Variants in SAMMSON observed in about 807,000 individuals in gnomAD.
SAMMSON encodes the protein long intergenic non-protein coding RNA 1212.
intron 4 of SAMMSON, among the ~76,000 whole-genome samples, chr3:70,243,201 T>C (rs936740280): frequency 6.6e-6 from 1 of 152,148 alleles, no homozygotes; most frequent in African/African-American, 2.4e-5. Flanking sequence ...TTAAGGTCTG[T>C]TGAGGATTGG....
intron 4 of SAMMSON, among the ~76,000 whole-genome samples, chr3:70,163,608 G>C (rs1370241936): frequency 6.6e-6 from 1 of 151,840 alleles, no homozygotes; most frequent in African/African-American, 2.4e-5. Flanking sequence ...GCAGTGAGGA[G>C]ACATTTTAAA....
chr3:70,202,266 G>A (rs1307239412), intron 4 of SAMMSON, among the ~76,000 whole-genome samples: 1 of 152,122 alleles, frequency 6.6e-6, no homozygotes, highest in Non-Finnish European at 1.5e-5. Flanking sequence ...AGTGGTCAGT[G>A]ACTAGTGGTC....
intron 3 of SAMMSON, among the ~76,000 whole-genome samples, chr3:70,029,264 T>C (rs1242160947): frequency 1.3e-5 from 2 of 152,184 alleles, no homozygotes; most frequent in African/African-American, 4.8e-5. Flanking sequence ...CTCTCCTCTT[T>C]GACTGGATGT....
chr3:70,299,559 T>C (rs906876493), intron 7 of SAMMSON, among the ~76,000 whole-genome samples: 6 of 152,128 alleles, frequency 3.9e-5, no homozygotes, highest in African/African-American at 1.2e-4. Context: ...TAATATCCAG[T>C]CCATGGCCAA....
At chr3:70,178,882 C>G (rs1335968596) in intron 4 of SAMMSON, among the ~76,000 whole-genome samples, 4 of 151,926 alleles carry the variant, frequency 2.6e-5, no homozygotes, top group Non-Finnish European at 5.9e-5. Context: ...GGGTGGCATT[C>G]CCCAGCTACT....
At chr3:70,405,100 T>G (rs1575642534) in intron 2 of SAMMSON, among the ~76,000 whole-genome samples, 1 of 152,198 alleles carries the variant, frequency 6.6e-6, no homozygotes, top group South Asian at 2.1e-4. Context: ...GGCTGGGAGA[T>G]ACTCAAGTTT....
chr3:70,280,067 A>G (rs1483999523), intron 6 of SAMMSON, among the ~76,000 whole-genome samples: 1 of 152,220 alleles, frequency 6.6e-6, no homozygotes, highest in Non-Finnish European at 1.5e-5. Context: ...GGTGTCAGCA[A>G]GGCTGCACTC....
intron 3 of SAMMSON, among the ~76,000 whole-genome samples, chr3:70,049,480 T>G (rs1230393315): frequency 6.6e-6 from 1 of 152,192 alleles, no homozygotes; most frequent in South Asian, 2.1e-4. Flanking sequence ...CTTTCAAACC[T>G]TGCCATTGCC....
At chr3:70,324,921 A>AG (rs1663918002) in intron 7 of SAMMSON, among the ~76,000 whole-genome samples, 1 of 20,416 alleles carries the variant, frequency 4.9e-5, no homozygotes, top group African/African-American at 1.7e-4. Context: ...GTAAATGGCC[A>AG]AAAAAAAAAA....
At chr3:70,002,703 A>C (rs961538331) in intron 1 of SAMMSON, among the ~76,000 whole-genome samples, 2 of 152,172 alleles carry the variant, frequency 1.3e-5, no homozygotes, top group Non-Finnish European at 2.9e-5. Context: ...TTACTAATTT[A>C]GTTGCTAGAG....
At chr3:70,129,154 T>C (rs1205784945) in intron 4 of SAMMSON, among the ~76,000 whole-genome samples, 1 of 152,180 alleles carries the variant, frequency 6.6e-6, no homozygotes, top group African/African-American at 2.4e-5. Flanking sequence ...ATTTAACATT[T>C]TGATAAAAGT....
At chr3:70,285,591 T>G (rs1702153078) in intron 6 of SAMMSON, among the ~76,000 whole-genome samples, 1 of 151,842 alleles carries the variant, frequency 6.6e-6, no homozygotes, top group Admixed American at 6.6e-5. Context: ...GATGGCTGTG[T>G]CAAATGGTAT....
intron 6 of SAMMSON, among the ~76,000 whole-genome samples, chr3:70,263,273 C>A (rs536527902): frequency 6.6e-6 from 1 of 151,712 alleles, no homozygotes; most frequent in Non-Finnish European, 1.5e-5. Context: ...TTTATGTTAT[C>A]GAGTGCTGGT....
chr3:70,185,796 C>T (rs1224429677), intron 4 of SAMMSON, among the ~76,000 whole-genome samples: 1 of 140,928 alleles, frequency 7.1e-6, no homozygotes, highest in Non-Finnish European at 1.6e-5. Flanking sequence ...CATAGCAAGA[C>T]CCCGCCTCTA....
At chr3:70,119,946 T>TTTA (rs1338438071) in intron 4 of SAMMSON, among the ~76,000 whole-genome samples, 3 of 152,152 alleles carry the variant, frequency 2.0e-5, no homozygotes, top group Admixed American at 1.3e-4. Context: ...AGTGGATAGA[T>TTTA]TTATTATTAT....
At chr3:70,114,165 C>T (rs1448944018) in intron 4 of SAMMSON, among the ~76,000 whole-genome samples, 1 of 152,152 alleles carries the variant, frequency 6.6e-6, no homozygotes, top group East Asian at 1.9e-4. Context: ...GAAGTTTGAC[C>T]TTGAGTAGCC....
rs1004957541 is a variant in SAMMSON at position 70,212,433 on chromosome 3, C to G, written n.508-36674C>G. Among the ~76,000 whole-genome samples the G allele has an allele frequency of 2.6e-5, 4 of 152,204 alleles. No homozygotes were observed. In the East Asian group the frequency reaches 7.7e-4, roughly 29 times the overall value. On this transcript the variant is annotated intron_variant and non_coding_transcript_variant, in intron 4 of 9. Coordinates refer to ENST00000642114, the Ensembl canonical transcript of SAMMSON. The stretch of plus-strand genomic sequence containing the variant: ...TGTCTTTATTGTATTGTCATTTTTC[C>G]AGTTCCCTGGGCTTAAAACTATTAT...
At chr3:70,312,994 C>T (rs1451142858) in intron 7 of SAMMSON, among the ~76,000 whole-genome samples, 11 of 152,182 alleles carry the variant, frequency 7.2e-5, no homozygotes, top group Non-Finnish European at 2.9e-5. Flanking sequence ...TTTAAAGCTA[C>T]ACTCTGGAAA....
At chr3:70,162,671 A>C (rs1382429931) in intron 4 of SAMMSON, among the ~76,000 whole-genome samples, 1 of 151,908 alleles carries the variant, frequency 6.6e-6, no homozygotes, top group Non-Finnish European at 1.5e-5. Flanking sequence ...ATAGTGTCCA[A>C]GTCTTCTATA....
Sources: allele counts gnomAD v4.1 joint callset (sites outside exome capture counted in the v4.1 genomes callset), GRCh38; gene constraint gnomAD v4.1.1; transcripts MANE v1.5; gene names NCBI Gene and HGNC (gene_info 2026-07-23, HGNC 2026-07-21).